Variants in PCDHGA4 observed in about 807,000 individuals in gnomAD.
PCDHGA4 encodes protocadherin gamma subfamily A, 4.
PCDHGA4 carries 38 observed loss-of-function variants against 54.6 expected under a neutral mutation model. The ratio of observed to expected loss-of-function variants is 0.70; its 90% CI spans 0.54 to 0.91. The LOEUF (loss-of-function observed/expected upper bound fraction) is 0.91, where lower values mean the gene tolerates loss of function less well. PCDHGA4 is among the 40% of genes least tolerant of loss of function. PCDHGA4 has a pLI of 0.00. For missense variants in PCDHGA4, 1,298 were observed against 1,220.9 expected (o/e 1.06, Z -0.94); for synonymous variants, 511 against 512.9 (o/e 1.00, Z 0.05).
In PCDHGA4 at chr5:141,355,218, T is replaced by C; in HGVS notation, c.111T>C (p.Ala37=). Residue 37 remains alanine (A), a synonymous_variant, in exon 1 of 4, where the codon GCT becomes GCC. Transcript: ENST00000571252. Reference sequence around the variant, plus strand: ...GGGTTGTAATGGCGGCGCCTCCTGCTCGCCCAGACCACACCCGGCTGCTCC... The same window carrying C: ...GGGTTGTAATGGCGGCGCCTCCTGCCCGCCCAGACCACACCCGGCTGCTCC... ...RGGVVMAAPP[A]RPDHTRLLQI... 6.2e-7 allele frequency: 1 copy of C among 1,604,388 alleles called. No homozygotes were observed. Among genetic ancestry groups the C allele is most frequent in the Non-Finnish European group, 8.5e-7 (1 of 1,174,340 alleles).
chr5:141,500,184 T>TTTTATTTATTTATTTATTTA (rs58019021), intron 2 of PCDHGA4, among the ~76,000 whole-genome samples: 1 of 135,886 alleles, frequency 7.4e-6, no homozygotes, highest in African/African-American at 2.7e-5. Flanking sequence ...TCATTTTTAT[T>TTTTATTTATTTATTTATTTA]TTTATTTATT....
intron 1 of PCDHGA4, among the ~76,000 whole-genome samples, chr5:141,461,366 A>G (rs1186381077): frequency 6.6e-6 from 1 of 151,964 alleles, no homozygotes; most frequent in Non-Finnish European, 1.5e-5. Flanking sequence ...TTGTGGTTTT[A>G]ATTTGCATTT....
chr5:141,391,887 T>C (rs970251505), intron 1 of PCDHGA4: 1 of 152,200 alleles, frequency 6.6e-6, no homozygotes, highest in Non-Finnish European at 1.5e-5. Context: ...GTGAAAGGGA[T>C]GGGATGGAGC....
chr5:141,400,254 G>C, intron 1 of PCDHGA4: 1 of 1,613,980 alleles, frequency 6.2e-7, no homozygotes. Flanking sequence ...CCGTTGCCTT[G>C]CGCCTGCGAC....
chr5:141,455,542 C>T (rs2154565110), intron 1 of PCDHGA4, among the ~76,000 whole-genome samples: 1 of 152,246 alleles, frequency 6.6e-6, no homozygotes, highest in African/African-American at 2.4e-5. Flanking sequence ...ATATCATTCA[C>T]GTAGCCCGAG....
intron 1 of PCDHGA4, chr5:141,366,203 G>A (rs1764404234): frequency 3.7e-6 from 6 of 1,613,862 alleles, no homozygotes; most frequent in East Asian, 4.5e-5. Flanking sequence ...GCACACGGGC[G>A]AGGTGCGCAC....
At chr5:141,484,989 T>C (rs1295192640) in intron 1 of PCDHGA4, 4 of 604,024 alleles carry the variant, frequency 6.6e-6, no homozygotes, top group Non-Finnish European at 1.2e-5. Context: ...AATCGGGTGG[T>C]GAAAGGCAGA....
At position 141,489,635 on chromosome 5, in the gene PCDHGA4, G is replaced by C. The variant is rs1380466520; in HGVS notation, c.2515-5172G>C. 2 of 1,614,142 alleles carry C rather than the reference G, an allele frequency of 1.2e-6. No homozygotes were observed. The highest frequency in any genetic ancestry group is 3.3e-5 in the Admixed American group (2 of 60,016). ...CTGGATCTCAATGACAACTCTCCTAGCTTTGCCACCCCTGAGCGAGAGATG... is the reference window on the plus strand; with the variant it reads ...CTGGATCTCAATGACAACTCTCCTACCTTTGCCACCCCTGAGCGAGAGATG... On this transcript the variant is annotated intron_variant, in intron 1 of 3. Transcript: ENST00000571252. This position sits in a 1 kb window ranked among gnomAD's most constrained non-coding sequence, Gnocchi z 4.5.
At chr5:141,440,617 C>T (rs1469883341) in intron 1 of PCDHGA4, 1 of 152,168 alleles carries the variant, frequency 6.6e-6, no homozygotes, top group East Asian at 1.9e-4. Context: ...TGCAGAAGAT[C>T]CTGATGTTGA....
intron 1 of PCDHGA4, chr5:141,419,208 C>T: frequency 6.2e-7 from 1 of 1,613,966 alleles, no homozygotes; most frequent in Non-Finnish European, 8.5e-7. Flanking sequence ...GACAACGCGC[C>T]GGTTTTCGGA....
At chr5:141,370,947 AAC>A in intron 1 of PCDHGA4, 5 of 1,613,958 alleles carry the variant, frequency 3.1e-6, no homozygotes, top group Non-Finnish European at 4.2e-6. Context: ...TCAGAAGGAG[AAC>A]CTGGATGGCA....
chr5:141,364,290 G>C, intron 1 of PCDHGA4: 2 of 1,518,718 alleles, frequency 1.3e-6, no homozygotes, highest in Non-Finnish European at 1.8e-6. Context: ...GAAACAGCAG[G>C]CTGAACCAGA....
At chr5:141,415,573 G>A (rs375863243) in intron 1 of PCDHGA4, 68 of 1,613,906 alleles carry the variant, frequency 4.2e-5, no homozygotes, top group Non-Finnish European at 1.2e-5. Flanking sequence ...TTTGTTAGAT[G>A]ATTCGAAGTT....
At chr5:141,420,175 T>C (rs901184536) in intron 1 of PCDHGA4, 6 of 1,614,004 alleles carry the variant, frequency 3.7e-6, no homozygotes, top group Non-Finnish European at 5.1e-6. Context: ...CATCTGTTGA[T>C]CATTGTCCAG....
At chr5:141,383,774 TTCA>T in intron 1 of PCDHGA4, 1 of 1,613,980 alleles carries the variant, frequency 6.2e-7, no homozygotes, top group South Asian at 1.1e-5. Flanking sequence ...CCAAAGATGT[TTCA>T]TCTGAACTCG....
intron 1 of PCDHGA4, among the ~76,000 whole-genome samples, chr5:141,434,225 G>A (rs1591320318): frequency 6.6e-6 from 1 of 152,146 alleles, no homozygotes; most frequent in African/African-American, 2.4e-5. Flanking sequence ...AACAAAGTAC[G>A]ATTTCTGGAC....
chr5:141,390,158 A>G, intron 1 of PCDHGA4: 1 of 1,614,042 alleles, frequency 6.2e-7, no homozygotes, highest in Non-Finnish European at 8.5e-7. Context: ...CACATACAGG[A>G]AAGACGGAGT....
Position 141,410,397 on chromosome 5 carries a change from G to T in PCDHGA4, c.2514+52776G>T, listed in dbSNP as rs1338071222. Reference sequence around the variant, plus strand: ...TGGGACTGCTTCCATCCTGGTCTCTGTGTCAAGTCTGGACCTGTAGTTCCC... The same window carrying T: ...TGGGACTGCTTCCATCCTGGTCTCTTTGTCAAGTCTGGACCTGTAGTTCCC... On this transcript the variant is annotated intron_variant, in intron 1 of 3. Coordinates refer to ENST00000571252, the MANE Select transcript of PCDHGA4 (RefSeq NM_018917.4). The T allele has an allele frequency of 3.7e-6, 6 of 1,613,930 alleles. No homozygotes were observed. The African/African-American group carries it at 8.0e-5, about 22-fold the overall frequency.
intron 1 of PCDHGA4, chr5:141,376,199 G>A: frequency 6.2e-7 from 1 of 1,614,162 alleles, no homozygotes; most frequent in Non-Finnish European, 8.5e-7. Flanking sequence ...CGTCTTCCTG[G>A]CCTTCGTCAT....
Sources: allele counts gnomAD v4.1 joint callset (sites outside exome capture counted in the v4.1 genomes callset), GRCh38; gene constraint gnomAD v4.1.1; non-coding constraint Gnocchi (gnomAD v3.1); transcripts MANE v1.5; gene names NCBI Gene and HGNC (gene_info 2026-07-23, HGNC 2026-07-21).